ADAMTSL1: variants seen among roughly 807,000 people sequenced by gnomAD.
The protein encoded by ADAMTSL1 is ADAMTS like 1.
ADAMTSL1 carries 126 observed loss-of-function variants against 201.8 expected under a neutral mutation model. That is an observed-to-expected ratio of 0.62 (90% CI 0.54 to 0.72). ADAMTSL1 has a LOEUF of 0.72. ADAMTSL1 is among the 30% of genes least tolerant of loss of function. ADAMTSL1 has a pLI of 0.00. For synonymous variants in ADAMTSL1, 1,121 were observed against 903.4 expected (o/e 1.24, Z -4.32); for missense variants, 2,679 against 2,277.8 (o/e 1.18, Z -3.59).
At chr9:17,997,917 C>G (rs1819450134) in intron 1 of ADAMTSL1, among the ~76,000 whole-genome samples, 1 of 152,042 alleles carries the variant, frequency 6.6e-6, no homozygotes, top group Non-Finnish European at 1.5e-5. Flanking sequence ...GCTGAAAATG[C>G]TATGATGATA....
rs372028762 is a variant in ADAMTSL1, at chr9:17,977,197, C to A, written c.87+70275C>A. Among the ~76,000 whole-genome samples, 3 of 151,998 alleles carry A rather than the reference C, an allele frequency of 2.0e-5. No homozygotes were observed. The East Asian group carries it at 5.8e-4, about 29-fold the overall frequency. On this transcript the variant is annotated intron_variant, in intron 1 of 29. Coordinates refer to the ADAMTSL1 transcript ENST00000680146. Reference sequence around the variant, plus strand: ...TCTCACTTGATCATGGTGTATGATCCTTTTAATGTGCTGTTTAATTCAGTT... The same window carrying A: ...TCTCACTTGATCATGGTGTATGATCATTTTAATGTGCTGTTTAATTCAGTT...
chr9:18,003,203 G>C (rs1169791512), intron 1 of ADAMTSL1, among the ~76,000 whole-genome samples: 1 of 151,938 alleles, frequency 6.6e-6, no homozygotes, highest in Non-Finnish European at 1.5e-5. Flanking sequence ...CCAGTTCCAC[G>C]CTGACTCCAG....
intron 9 of ADAMTSL1, among the ~76,000 whole-genome samples, chr9:18,672,464 T>C (rs1829882064): frequency 6.6e-6 from 1 of 152,172 alleles, no homozygotes; most frequent in Non-Finnish European, 1.5e-5. Context: ...ATAATCCTAA[T>C]ACCAATAACT....
chr9:18,707,079 G>A (rs768525662), intron 14 of ADAMTSL1, 31 bp downstream of exon 14: 100 of 1,591,476 alleles, frequency 6.3e-5, no homozygotes, highest in Middle Eastern at 5.0e-4. Flanking sequence ...TCAGATCCCC[G>A]CCATCTTCTT....
At chr9:18,526,357 A>C (rs1819048338) in intron 2 of ADAMTSL1, among the ~76,000 whole-genome samples, 1 of 152,198 alleles carries the variant, frequency 6.6e-6, no homozygotes, top group Non-Finnish European at 1.5e-5. Flanking sequence ...GGGTCTCCTG[A>C]ATACAGCACA....
chr9:18,180,668 C>T (rs913076837), intron 2 of ADAMTSL1, among the ~76,000 whole-genome samples: 6 of 152,132 alleles, frequency 3.9e-5, no homozygotes, highest in African/African-American at 1.4e-4. Flanking sequence ...ATTCCATGCT[C>T]ATGGGTAGGA....
intron 2 of ADAMTSL1, among the ~76,000 whole-genome samples, chr9:18,254,804 G>A (rs1831619397): frequency 6.6e-6 from 1 of 152,046 alleles, no homozygotes; most frequent in South Asian, 2.1e-4. Flanking sequence ...TATGTGGCAA[G>A]AAGGGGAAAA....
chr9:18,137,161 G>T (rs1050970407), intron 1 of ADAMTSL1, among the ~76,000 whole-genome samples: 13 of 152,122 alleles, frequency 8.5e-5, no homozygotes, highest in Non-Finnish European at 1.6e-4. Flanking sequence ...AGTAGCCCAG[G>T]TTTCTGAGGG....
chr9:18,394,609 C>G (rs73643262), intron 2 of ADAMTSL1, among the ~76,000 whole-genome samples: 6,930 of 152,188 alleles, frequency 0.046, 178 homozygotes, highest in Middle Eastern at 0.092. Context: ...ACTGCAAAGA[C>G]AACAGGTTAA....
intron 1 of ADAMTSL1, among the ~76,000 whole-genome samples, chr9:18,016,214 G>T (rs1374548961): frequency 1.3e-5 from 2 of 151,996 alleles, no homozygotes; most frequent in African/African-American, 4.8e-5. Flanking sequence ...ACAATTAGTT[G>T]TCATTGAATT....
intron 2 of ADAMTSL1, among the ~76,000 whole-genome samples, chr9:18,362,912 A>T (rs1002660255): frequency 9.9e-5 from 15 of 152,244 alleles, no homozygotes; most frequent in Non-Finnish European, 4.4e-5. Context: ...AAATCCAACC[A>T]AGTAGCCAAA....
intron 2 of ADAMTSL1, among the ~76,000 whole-genome samples, chr9:18,262,690 T>C (rs1749966788): frequency 6.6e-6 from 1 of 152,136 alleles, no homozygotes; most frequent in Non-Finnish European, 1.5e-5. Context: ...TAAAAAATCC[T>C]CCAAAAATAT....
At chr9:18,631,169 CT>C in intron 5 of ADAMTSL1, among the ~76,000 whole-genome samples, 3 of 152,090 alleles carry the variant, frequency 2.0e-5, no homozygotes, top group Non-Finnish European at 4.4e-5. Context: ...GACAACAGAA[CT>C]TTTTAACTGA....
intron 2 of ADAMTSL1, among the ~76,000 whole-genome samples, chr9:18,252,525 C>T (rs1021012214): frequency 6.6e-6 from 1 of 151,982 alleles, no homozygotes; most frequent in South Asian, 2.1e-4. Context: ...ACTTATATAC[C>T]TAATACAATG....
intron 1 of ADAMTSL1, among the ~76,000 whole-genome samples, chr9:18,075,760 G>T (rs1173119937): frequency 6.6e-6 from 1 of 152,214 alleles, no homozygotes; most frequent in Non-Finnish European, 1.5e-5. Flanking sequence ...GGCCAAGGCT[G>T]AATTAGTGCT....
At chr9:18,717,361 A>G (rs962167095) in intron 14 of ADAMTSL1, among the ~76,000 whole-genome samples, 1 of 151,922 alleles carries the variant, frequency 6.6e-6, no homozygotes, top group Non-Finnish European at 1.5e-5. Flanking sequence ...TGTTGAAGAC[A>G]TTATACTGAA....
intron 2 of ADAMTSL1, among the ~76,000 whole-genome samples, chr9:18,422,339 C>T (rs1483675287): frequency 2.6e-5 from 4 of 152,166 alleles, no homozygotes; most frequent in South Asian, 2.1e-4. Flanking sequence ...TGAGTTCTTC[C>T]TACACCTCAC....
intron 2 of ADAMTSL1, among the ~76,000 whole-genome samples, chr9:18,308,825 A>G (rs1676654720): frequency 6.6e-6 from 1 of 152,186 alleles, no homozygotes; most frequent in Admixed American, 6.5e-5. Context: ...AATCCTCCCT[A>G]ACTCATTTTA....
Position 17,998,300 on chromosome 9 carries a change from G to T in ADAMTSL1, c.87+91378G>T, listed in dbSNP as rs79139955. Among the ~76,000 whole-genome samples, 250 of 152,178 alleles carry T rather than the reference G, an allele frequency of 1.6e-3. 2 individuals carry two copies. In the East Asian group the frequency reaches 0.042, roughly 26 times the overall value. Reference sequence around the variant, plus strand: ...GCACAGCACTCAGAAACATAGTAAAGTTAAGAAAAGATAAAAGAATATGGC... The same window carrying T: ...GCACAGCACTCAGAAACATAGTAAATTTAAGAAAAGATAAAAGAATATGGC... On this transcript the variant is annotated intron_variant, in intron 1 of 29. Coordinates refer to the ADAMTSL1 transcript ENST00000680146.
Sources: allele counts gnomAD v4.1 joint callset (sites outside exome capture counted in the v4.1 genomes callset), GRCh38; gene constraint gnomAD v4.1.1; transcripts MANE v1.5; gene names NCBI Gene and HGNC (gene_info 2026-07-23, HGNC 2026-07-21).